The following ZBTB7C variants were observed in gnomAD, a reference collection of about 807,000 sequenced individuals.
ZBTB7C encodes zinc finger and BTB domain-containing protein 7C.
ZBTB7C carries 8 observed loss-of-function variants against 25.7 expected under a neutral mutation model. The observed-to-expected ratio is 0.31, with a 90% CI of 0.18 to 0.56. The LOEUF is 0.56. ZBTB7C is among the 20% of genes least tolerant of loss of function. The probability of loss-of-function intolerance (pLI) is 0.91; values close to 1 mark genes in which losing one functional copy is unlikely to be tolerated. For missense variants in ZBTB7C, 824 were observed against 855.2 expected (o/e 0.96, Z 0.46); for synonymous variants, 394 against 369.0 (o/e 1.07, Z -0.78).
intron 2 of ZBTB7C, among the ~76,000 whole-genome samples, chr18:48,251,887 G>A (rs1020993565): frequency 3.9e-5 from 6 of 152,272 alleles, no homozygotes; most frequent in South Asian, 2.1e-4. Context: ...GCAGGAGAGA[G>A]AGCTATTCTC....
rs1456522711 is a variant in ZBTB7C, at chr18:48,175,397, ACATGTAATTAT to A, written c.-17+10526_-17+10536del. Among the ~76,000 whole-genome samples, 4 of 152,332 alleles carry A rather than the reference ACATGTAATTAT, an allele frequency of 2.6e-5. No individual in the cohort carries two copies. In the East Asian group the frequency reaches 7.7e-4, roughly 29 times the overall value. On this transcript the variant is annotated intron_variant, in intron 3 of 4. Coordinates refer to ENST00000590800, the MANE Select transcript of ZBTB7C (RefSeq NM_001318841.2). ...GCCGAGGTTTCACTGCTGAAGAAGG[ACATGTAATTAT>A]GAGATGGGGAAGGCAGGAAACAACC...
At chr18:48,135,945 G>A (rs1024443696) in intron 3 of ZBTB7C, among the ~76,000 whole-genome samples, 1 of 152,238 alleles carries the variant, frequency 6.6e-6, no homozygotes, top group African/African-American at 2.4e-5. Flanking sequence ...GAAGGCAGCC[G>A]CCCGCTGCCC....
At chr18:48,075,994 T>A (rs1387524348) in intron 3 of ZBTB7C, among the ~76,000 whole-genome samples, 1 of 152,218 alleles carries the variant, frequency 6.6e-6, no homozygotes, top group East Asian at 1.9e-4. Context: ...GTTTGTTCCC[T>A]CACTCCACCC....
chr18:48,053,488 A>C (rs927798615), intron 3 of ZBTB7C, among the ~76,000 whole-genome samples: 9 of 152,168 alleles, frequency 5.9e-5, no homozygotes, highest in Non-Finnish European at 1.2e-4. Context: ...TCGCTGTCCT[A>C]AATATTTTAC....
At chr18:48,084,193 G>A (rs1337289220) in intron 3 of ZBTB7C, among the ~76,000 whole-genome samples, 1 of 152,148 alleles carries the variant, frequency 6.6e-6, no homozygotes, top group Non-Finnish European at 1.5e-5. Context: ...AGGTCTCAGG[G>A]AAGGTTCAGC....
At chr18:48,087,592 C>A (rs1398472162) in intron 3 of ZBTB7C, 1 of 151,614 alleles carries the variant, frequency 6.6e-6, no homozygotes, top group Non-Finnish European at 1.5e-5. Context: ...TAAGACCAAC[C>A]GGTGCAATAA....
intron 2 of ZBTB7C, among the ~76,000 whole-genome samples, chr18:48,260,341 CT>C (rs1257377961): frequency 3.9e-5 from 6 of 152,208 alleles, no homozygotes; most frequent in East Asian, 1.9e-4. Flanking sequence ...TCCCTTCCCC[CT>C]GGGCACTAGG....
chr18:48,167,852 A>G (rs1422378738), intron 3 of ZBTB7C, among the ~76,000 whole-genome samples: 2 of 152,208 alleles, frequency 1.3e-5, no homozygotes, highest in Non-Finnish European at 2.9e-5. Context: ...GGTATGTTTG[A>G]AAAGATCATT....
intron 2 of ZBTB7C, among the ~76,000 whole-genome samples, chr18:48,240,072 A>C (rs1246639724): frequency 6.6e-6 from 1 of 152,134 alleles, no homozygotes; most frequent in Admixed American, 6.5e-5. Flanking sequence ...TGCAAAATAC[A>C]CTGGAAACTT....
chr18:48,243,621 A>G (rs34726446), intron 2 of ZBTB7C, among the ~76,000 whole-genome samples: 58,180 of 152,064 alleles, frequency 0.38, 13,099 homozygotes, highest in Non-Finnish European at 0.52. Context: ...CACAAATTCA[A>G]TGAAACTCCC....
chr18:48,041,746 TAA>T (rs398120440), intron 3 of ZBTB7C, among the ~76,000 whole-genome samples: 1 of 149,518 alleles, frequency 6.7e-6, no homozygotes, highest in Non-Finnish European at 1.5e-5. Flanking sequence ...ATCCTTTTTT[TAA>T]AAAAAAAACA....
intron 2 of ZBTB7C, among the ~76,000 whole-genome samples, chr18:48,228,741 T>TCACACACACA (rs1223661928): frequency 7.5e-5 from 5 of 66,232 alleles, no homozygotes; most frequent in East Asian, 2.7e-4. Flanking sequence ...TGTCTCTCTC[T>TCACACACACA]CTCTCTCACA....
At chr18:48,030,817 C>G (rs1419498662) in intron 4 of ZBTB7C, among the ~76,000 whole-genome samples, 3 of 152,192 alleles carry the variant, frequency 2.0e-5, no homozygotes, top group Non-Finnish European at 4.4e-5. Flanking sequence ...AGCTAGATTC[C>G]ACACACCTCC....
chr18:48,410,276 T>A (rs115940637), upstream of ZBTB7C, among the ~76,000 whole-genome samples: 6,682 of 152,090 alleles, frequency 0.044, 183 homozygotes, highest in Non-Finnish European at 0.054. Context: ...TCGGCGGCGC[T>A]GCGGCCCGGA....
chr18:48,406,520 G>A (rs1180667834), intron 1 of ZBTB7C, among the ~76,000 whole-genome samples: 1 of 152,166 alleles, frequency 6.6e-6, no homozygotes, highest in Non-Finnish European at 1.5e-5. Context: ...TGGGAATGCT[G>A]ATGAGATTAG....
chr18:48,171,697 C>T (rs544733135), intron 3 of ZBTB7C, among the ~76,000 whole-genome samples: 22 of 152,364 alleles, frequency 1.4e-4, no homozygotes, highest in Non-Finnish European at 2.8e-4. Flanking sequence ...TGGCCCAGAG[C>T]AGGCACACAG....
intron 2 of ZBTB7C, among the ~76,000 whole-genome samples, chr18:48,204,168 C>T (rs1395484536): frequency 2.0e-5 from 3 of 152,176 alleles, no homozygotes; most frequent in Non-Finnish European, 4.4e-5. Context: ...ACACTGCTTG[C>T]GGTGGTGGGA....
Position 48,029,656 on chromosome 18 carries a change from G to A in ZBTB7C, c.1464C>T (p.Ala488=), listed in dbSNP as rs995510980. Residue 488 remains alanine, a synonymous_variant, in exon 5 of 5, where the codon GCC becomes GCT. Coordinates refer to ENST00000590800, the MANE Select transcript of ZBTB7C (RefSeq NM_001318841.2). ...RRGRKPAAWR[A]ASLLFGPGGP... ...CGCCGGGCCCGAAGAGCAGGCTGGC[G>A]GCCCTCCACGCAGCAGGCTTGCGGC... 9 of 1,552,980 alleles carry A rather than the reference G, an allele frequency of 5.8e-6. No individual in the cohort carries two copies. The highest frequency in any genetic ancestry group is 3.4e-4 in the Middle Eastern group (2 of 5,838).
intron 2 of ZBTB7C, among the ~76,000 whole-genome samples, chr18:48,270,491 C>T (rs1018677070): frequency 1.0e-4 from 15 of 149,934 alleles, no homozygotes; most frequent in Admixed American, 2.0e-4. Flanking sequence ...GTCAGGTGAT[C>T]GAGACCATCC....
Sources: allele counts gnomAD v4.1 joint callset (sites outside exome capture counted in the v4.1 genomes callset), GRCh38; gene constraint gnomAD v4.1.1; transcripts MANE v1.5; gene names NCBI Gene and HGNC (gene_info 2026-07-23, HGNC 2026-07-21).